FADS2: variants seen among roughly 807,000 people sequenced by gnomAD.
The protein encoded by FADS2 is acyl-CoA 6-desaturase.
A neutral mutation model predicts 61.2 loss-of-function variants in FADS2; 18 were observed. The observed-to-expected ratio is 0.29, with a 90% confidence interval of 0.20 to 0.44. The LOEUF is 0.44. Among genes scored for constraint, FADS2 ranks in the 20% least tolerant of loss-of-function variants. The pLI is 1.00. For synonymous variants in FADS2, 203 were observed against 223.9 expected (o/e 0.91, Z 0.83); for missense variants, 322 against 572.7 (o/e 0.56, Z 4.47).
chr11:61,834,987 C>T (rs1470787105), intron 1 of FADS2, among the ~76,000 whole-genome samples: 2 of 113,436 alleles, frequency 1.8e-5, no homozygotes, highest in Non-Finnish European at 3.9e-5. Flanking sequence ...GCCTGCCCCC[C>T]CACCCCAGCC....
chr11:61,822,919 C>T (rs1196109292), intron 1 of FADS2, among the ~76,000 whole-genome samples: 1 of 152,176 alleles, frequency 6.6e-6, no homozygotes, highest in African/African-American at 2.4e-5. Flanking sequence ...TATTTCTGAA[C>T]ATTTTCTTAG....
chr11:61,856,285 G>A (rs2067358574), intron 5 of FADS2: 1 of 152,250 alleles, frequency 6.6e-6, no homozygotes, highest in Non-Finnish European at 1.5e-5. Context: ...CTCCATTAGA[G>A]CCTCTGGGCA....
intron 4 of FADS2, among the ~76,000 whole-genome samples, chr11:61,844,139 T>C (rs1240399023): frequency 1.3e-5 from 2 of 152,166 alleles, no homozygotes; most frequent in Admixed American, 6.5e-5. Context: ...TTAAAGTAGT[T>C]AAAAAAATAT....
rs1041183955 is a variant in FADS2, at chr11:61,828,876, C to A, written c.207+279C>A. Among the ~76,000 whole-genome samples the A allele has an allele frequency of 6.6e-6, 1 of 152,228 alleles. No homozygotes were observed. Among genetic ancestry groups the A allele is most frequent in the African/African-American group, 2.4e-5 (1 of 41,470 alleles). ...AAGCATCTACCGCGCGCGCCGGGAC[C>A]CACGCGTCCTCCCCTTCCTCGGGGT... On this transcript the variant is annotated intron_variant, in intron 1 of 11. Transcript: ENST00000278840. The surrounding 1 kb of genome is among the most constrained non-coding windows in gnomAD (Gnocchi z 6.4).
chr11:61,825,112 C>T (rs1434711429), upstream of FADS2, among the ~76,000 whole-genome samples: 2 of 152,096 alleles, frequency 1.3e-5, no homozygotes, highest in Non-Finnish European at 1.5e-5. Flanking sequence ...CCACTGCTCC[C>T]AGCCTAGGTG....
Position 61,857,511 on chromosome 11 carries a change from T to A in FADS2, c.863T>A (p.Ile288Asn). 1 of 1,614,028 alleles carries A rather than the reference T, an allele frequency of 6.2e-7. No homozygotes were observed. Among genetic ancestry groups the A allele is most frequent in the Non-Finnish European group, 8.5e-7 (1 of 1,179,938 alleles). ...CAGTACCAGATCATCATGACCATGATCGTCCATAAGAACTGGGTGGTGAGT... is the reference window on the plus strand; with the variant it reads ...CAGTACCAGATCATCATGACCATGAACGTCCATAAGAACTGGGTGGTGAGT... ...YFQYQIIMTM[I>N]VHKNWVDLAW... Residue 288 changes from isoleucine to asparagine, a missense_variant, in exon 7 of 12, where the codon ATC becomes AAC. Coordinates refer to ENST00000278840, the MANE Select transcript of FADS2 (RefSeq NM_004265.4).
intron 1 of FADS2, among the ~76,000 whole-genome samples, chr11:61,835,778 C>T (rs1188316718): frequency 6.6e-6 from 1 of 152,104 alleles, no homozygotes; most frequent in African/African-American, 2.4e-5. Context: ...AACCAAGATT[C>T]ACTAGTCTTA....
chr11:61,821,600 C>G, intron 1 of FADS2: 1 of 572,540 alleles, frequency 1.7e-6, no homozygotes. Context: ...GCTGCAGCCT[C>G]CCCTCAGTAG....
At chr11:61,825,306 G>A (rs1051518851), upstream of FADS2, among the ~76,000 whole-genome samples, 3 of 151,732 alleles carry the variant, frequency 2.0e-5, no homozygotes, top group African/African-American at 7.3e-5. Context: ...AACTAATGCG[G>A]TCTTGATTCT....
intron 7 of FADS2, 99 bp from the exon 8 acceptor site, chr11:61,862,873 T>C: frequency 2.2e-6 from 2 of 925,980 alleles, no homozygotes; most frequent in South Asian, 2.7e-5. Context: ...GTCCAGCTTC[T>C]AGAGGCCTGA....
chr11:61,859,013 C>G (rs1473361109), intron 7 of FADS2, among the ~76,000 whole-genome samples: 1 of 152,162 alleles, frequency 6.6e-6, no homozygotes, highest in Non-Finnish European at 1.5e-5. Flanking sequence ...GAAGTTTTTC[C>G]TCTCTTAACC....
At position 61,837,834 on chromosome 11, in the gene FADS2, C is replaced by T. The variant is rs761610364; in HGVS notation, c.264C>T (p.Pro88=). The T allele has an allele frequency of 3.7e-6, 6 of 1,613,810 alleles. No individual in the cohort carries two copies. The East Asian group carries it at 1.1e-4, about 30-fold the overall frequency. The change falls in exon 2 of 12, where the codon CCC becomes CCT. Residue 88 remains proline (P), a synonymous_variant. Coordinates refer to ENST00000278840, the MANE Select transcript of FADS2 (RefSeq NM_004265.4). ...DLEFVGKFLK[P]LLIGELAPEE... Reference sequence around the variant, plus strand: ...AATTCGTGGGCAAGTTCTTGAAACCCCTGCTGATTGGTGAACTGGCCCCGG... The same window carrying T: ...AATTCGTGGGCAAGTTCTTGAAACCTCTGCTGATTGGTGAACTGGCCCCGG...
At chr11:61,850,012 G>T (rs1055385627) in intron 5 of FADS2, among the ~76,000 whole-genome samples, 4 of 152,124 alleles carry the variant, frequency 2.6e-5, no homozygotes, top group African/African-American at 9.7e-5. Context: ...AGCGGGGACA[G>T]AAGAGGGAGA....
intron 4 of FADS2, 42 bp from the exon 5 acceptor site, chr11:61,848,117 T>A: frequency 6.2e-7 from 1 of 1,613,638 alleles, no homozygotes; most frequent in Non-Finnish European, 8.5e-7. Flanking sequence ...CTCGGTTCCC[T>A]GGTGGCTTGC....
chr11:61,837,951 G>C, intron 2 of FADS2, 63 bp downstream of exon 2: 1 of 1,172,366 alleles, frequency 8.5e-7, no homozygotes, highest in Non-Finnish European at 1.3e-6. Context: ...GGGAGTCTGA[G>C]AGAGGCTCCC....
upstream of FADS2, among the ~76,000 whole-genome samples, chr11:61,824,521 A>AAGAAAG (rs2067067087): frequency 1.8e-5 from 2 of 108,710 alleles, no homozygotes; most frequent in African/African-American, 6.0e-5. Flanking sequence ...GAAAGAAAGA[A>AAGAAAG]AGAAAGAAAA....
At chr11:61,817,114 C>T (rs924909169) in intron 1 of FADS2, 1 of 424,632 alleles carries the variant, frequency 2.4e-6, no homozygotes, top group Non-Finnish European at 3.6e-6. Context: ...GTAGGAACAG[C>T]GGTTCTAGTG....
At chr11:61,857,381 C>A in intron 6 of FADS2, 73 bp from the exon 7 acceptor site, 3 of 1,380,412 alleles carry the variant, frequency 2.2e-6, no homozygotes, top group Non-Finnish European at 2.1e-6. Flanking sequence ...CAGTGCTGGG[C>A]CTGGGTTCCC....
chr11:61,829,174 C>T (rs1385293889), intron 1 of FADS2: 2 of 153,214 alleles, frequency 1.3e-5, no homozygotes, highest in Admixed American at 6.5e-5. Context: ...CTCGGGTTCC[C>T]ACGCTCCAGG....
Sources: allele counts gnomAD v4.1 joint callset (sites outside exome capture counted in the v4.1 genomes callset), GRCh38; gene constraint gnomAD v4.1.1; non-coding constraint Gnocchi (gnomAD v3.1); transcripts MANE v1.5; gene names NCBI Gene and HGNC (gene_info 2026-07-23, HGNC 2026-07-21).